Variants in EYS observed in about 807,000 individuals in gnomAD.
EYS encodes protein eyes shut homolog.
A neutral mutation model predicts 282.1 loss-of-function variants in EYS; 250 were observed. That is an observed-to-expected ratio of 0.89 (90% CI 0.80 to 0.98). The LOEUF is 0.98. Ranked by LOEUF, EYS falls within the 50% of genes least tolerant of loss-of-function variation. EYS has a pLI of 0.00. For missense variants in EYS, 4,016 were observed against 3,709.0 expected, an observed-to-expected ratio of 1.08 and a Z score of -2.15; for synonymous variants, 1,355 against 1,282.9, an observed-to-expected ratio of 1.06 and a Z score of -1.20.
Position 64,417,939 on chromosome 6 carries a change from TG to T in EYS, c.5927+18234del, listed in dbSNP as rs1774112065. Among the ~76,000 whole-genome samples the T allele has an allele frequency of 3.9e-5, 6 of 152,192 alleles. No homozygotes were observed. The South Asian group carries it at 1.2e-3, about 31-fold the overall frequency. On this transcript the variant is annotated intron_variant, in intron 28 of 42. Coordinates refer to ENST00000503581, the MANE Select transcript of EYS (RefSeq NM_001142800.2). Reference sequence around the variant, plus strand: ...CACCTGCATTGGCCTCCCAAAATGCTGGGATTACAGGCACGAGCCACTGCGC... The same window carrying T: ...CACCTGCATTGGCCTCCCAAAATGCTGGATTACAGGCACGAGCCACTGCGC...
chr6:64,188,785 G>A (rs566366968), intron 31 of EYS, among the ~76,000 whole-genome samples: 14 of 152,214 alleles, frequency 9.2e-5, no homozygotes, highest in African/African-American at 3.4e-4. Flanking sequence ...ACGTGTATGC[G>A]TGCACATGTA....
chr6:65,442,475 C>A (rs936228200), intron 5 of EYS, among the ~76,000 whole-genome samples: 14 of 151,892 alleles, frequency 9.2e-5, no homozygotes, highest in Non-Finnish European at 1.6e-4. Context: ...AATGAATAGG[C>A]CAGGCACAGT....
At chr6:64,549,951 T>C (rs1002459541) in intron 26 of EYS, among the ~76,000 whole-genome samples, 44 of 152,246 alleles carry the variant, frequency 2.9e-4, no homozygotes, top group African/African-American at 1.0e-3. Flanking sequence ...GTATTCTCAT[T>C]GTTCAGTTCC....
At chr6:65,554,441 G>T (rs1214236189) in intron 2 of EYS, among the ~76,000 whole-genome samples, 1 of 152,048 alleles carries the variant, frequency 6.6e-6, no homozygotes, top group East Asian at 1.9e-4. Context: ...TATCAGCCAA[G>T]AAAATATTCC....
At chr6:65,645,786 T>C (rs1767429771) in intron 1 of EYS, among the ~76,000 whole-genome samples, 1 of 152,066 alleles carries the variant, frequency 6.6e-6, no homozygotes, top group South Asian at 2.1e-4. Context: ...TTAGTGAGAT[T>C]AACCAAGAAA....
intron 8 of EYS, among the ~76,000 whole-genome samples, chr6:65,365,205 G>A (rs10944791): frequency 0.68 from 102,720 of 151,430 alleles, 35,085 homozygotes; most frequent in South Asian, 0.71. Flanking sequence ...TATATTTGCT[G>A]ATAGTAAGCT....
intron 30 of EYS, among the ~76,000 whole-genome samples, chr6:64,290,487 G>A (rs1456495204): frequency 6.6e-6 from 1 of 152,102 alleles, no homozygotes; most frequent in African/African-American, 2.4e-5. Flanking sequence ...ACATTAGTTT[G>A]TATAATCTTC....
chr6:64,570,442 A>AT (rs1407211471), intron 26 of EYS, among the ~76,000 whole-genome samples: 2 of 152,224 alleles, frequency 1.3e-5, no homozygotes, highest in African/African-American at 4.8e-5. Context: ...ACACATAACA[A>AT]TATTAACCTT....
intron 29 of EYS, among the ~76,000 whole-genome samples, chr6:64,312,254 A>G (rs900794736): frequency 6.6e-6 from 1 of 152,116 alleles, no homozygotes; most frequent in Admixed American, 6.5e-5. Flanking sequence ...AGTGTAAACA[A>G]AGCCACTGGT....
chr6:65,454,619 TA>T (rs1403870051), intron 5 of EYS, among the ~76,000 whole-genome samples: 3 of 152,192 alleles, frequency 2.0e-5, no homozygotes, highest in African/African-American at 7.2e-5. Context: ...TCCTGTTTTC[TA>T]ATAGTTTCAT....
At chr6:64,984,945 A>C (rs1770804224) in intron 14 of EYS, among the ~76,000 whole-genome samples, 1 of 151,514 alleles carries the variant, frequency 6.6e-6, no homozygotes, top group African/African-American at 2.4e-5. Flanking sequence ...ACCTCTTTTT[A>C]ACATTCAGAC....
intron 12 of EYS, among the ~76,000 whole-genome samples, chr6:65,135,756 G>C (rs1341841412): frequency 2.0e-5 from 3 of 151,850 alleles, no homozygotes; most frequent in East Asian, 1.9e-4. Context: ...GGTTCATCTG[G>C]AATTTTAGTA....
At chr6:65,522,564 T>A (rs920021906) in intron 2 of EYS, among the ~76,000 whole-genome samples, 2 of 152,164 alleles carry the variant, frequency 1.3e-5, no homozygotes, top group African/African-American at 4.8e-5. Context: ...TTAGTGTTCT[T>A]AAGTTTTGAA....
At position 64,590,760 on chromosome 6, in the gene EYS, T is replaced by C. The variant is rs1766379923; in HGVS notation, c.5107A>G (p.Lys1703Glu). ...ATAGTTATGCCATATTGTCTTATTTTCAATAGTTTTAAAATGTTTTCTGAT... is the reference window on the plus strand; with the variant it reads ...ATAGTTATGCCATATTGTCTTATTTCCAATAGTTTTAAAATGTTTTCTGAT... ...SVSENILKLL[K>E]IRQYGITMGP... The change falls in exon 26 of 43, where the codon AAA (lysine) becomes GAA (glutamate). Residue 1703 changes from lysine (K) to glutamate (E), a missense_variant. Transcript: ENST00000503581. 2 of 1,550,854 alleles carry C rather than the reference T, an allele frequency of 1.3e-6. No individual in the cohort carries two copies. Among genetic ancestry groups the C allele is most frequent in the African/African-American group, 2.7e-5 (2 of 73,012 alleles).
chr6:64,125,132 AACACAC>A (rs150010184), intron 31 of EYS, among the ~76,000 whole-genome samples: 2 of 145,548 alleles, frequency 1.4e-5, no homozygotes, highest in African/African-American at 5.4e-5. Context: ...GATGATGTCA[AACACAC>A]ACACACACAC....
intron 31 of EYS, among the ~76,000 whole-genome samples, chr6:64,214,820 A>G (rs1339019785): frequency 6.6e-6 from 1 of 152,026 alleles, no homozygotes; most frequent in Non-Finnish European, 1.5e-5. Flanking sequence ...GAATTACAAC[A>G]AGGTTAACTA....
chr6:64,937,898 T>C (rs979707820), intron 15 of EYS, among the ~76,000 whole-genome samples: 4 of 151,486 alleles, frequency 2.6e-5, no homozygotes. Context: ...AGCTGAAAAA[T>C]AAACAAATTT....
intron 28 of EYS, among the ~76,000 whole-genome samples, chr6:64,428,498 A>G (rs1774479919): frequency 6.6e-6 from 1 of 152,166 alleles, no homozygotes; most frequent in African/African-American, 2.4e-5. Context: ...TTATCAGGTT[A>G]GAGTAAAAAA....
chr6:64,544,912 T>C (rs1764803616), intron 26 of EYS, among the ~76,000 whole-genome samples: 1 of 152,102 alleles, frequency 6.6e-6, no homozygotes, highest in Non-Finnish European at 1.5e-5. Context: ...CAGGACCAGA[T>C]GGATTCACAG....
Sources: allele counts gnomAD v4.1 joint callset (sites outside exome capture counted in the v4.1 genomes callset), GRCh38; gene constraint gnomAD v4.1.1; transcripts MANE v1.5; gene names NCBI Gene and HGNC (gene_info 2026-07-23, HGNC 2026-07-21).